Variants in ASIC2 observed in about 807,000 individuals in gnomAD.
The protein encoded by ASIC2 is acid-sensing ion channel 2.
Under a neutral mutation model 57.3 loss-of-function variants are expected in ASIC2, and 25 were observed. The observed-to-expected ratio is 0.44, with a 90% CI of 0.32 to 0.61. The LOEUF (loss-of-function observed/expected upper bound fraction) is 0.61. Among genes scored for constraint, ASIC2 ranks in the 20% least tolerant of loss-of-function variants. The probability of loss-of-function intolerance (pLI) is 0.06; values close to 1 mark genes in which losing one functional copy is unlikely to be tolerated. For missense variants in ASIC2, 641 were observed against 738.1 expected, an observed-to-expected ratio of 0.87 and a Z score of 1.52; for synonymous variants, 319 against 307.5, an observed-to-expected ratio of 1.04 and a Z score of -0.39.
At chr17:33,807,223 C>T (rs1912293185) in intron 1 of ASIC2, among the ~76,000 whole-genome samples, 1 of 152,164 alleles carries the variant, frequency 6.6e-6, no homozygotes, top group Non-Finnish European at 1.5e-5. Context: ...AAGGAGCAAA[C>T]ACTGGTTTGG....
At chr17:33,750,502 C>T (rs1209008814) in intron 1 of ASIC2, among the ~76,000 whole-genome samples, 1 of 152,102 alleles carries the variant, frequency 6.6e-6, no homozygotes, top group Admixed American at 6.6e-5. Flanking sequence ...TAACTTAGTG[C>T]CTAGGGCCCA....
At chr17:33,252,636 C>T (rs992339222) in intron 1 of ASIC2, among the ~76,000 whole-genome samples, 3 of 151,960 alleles carry the variant, frequency 2.0e-5, no homozygotes, top group Non-Finnish European at 4.4e-5. Context: ...CTTGGTGCAG[C>T]CCCCTCATTC....
intron 1 of ASIC2, among the ~76,000 whole-genome samples, chr17:34,074,302 T>C (rs779339984): frequency 1.8e-4 from 28 of 152,178 alleles, no homozygotes; most frequent in Non-Finnish European, 3.7e-4. Flanking sequence ...TAATGAACAT[T>C]GCATGCAATG....
chr17:33,995,656 GTA>G (rs570192460), intron 1 of ASIC2, among the ~76,000 whole-genome samples: 57 of 152,104 alleles, frequency 3.7e-4, no homozygotes, highest in African/African-American at 1.3e-3. Context: ...ATCTGTGCGT[GTA>G]TATATGTGTG....
At chr17:33,459,002 T>C (rs901064766) in intron 1 of ASIC2, among the ~76,000 whole-genome samples, 12 of 152,056 alleles carry the variant, frequency 7.9e-5, no homozygotes, top group Admixed American at 7.2e-4. Flanking sequence ...ACGTTGTCAA[T>C]AGATATAGAC....
At chr17:33,491,708 G>A (rs764732341) in intron 1 of ASIC2, among the ~76,000 whole-genome samples, 14 of 152,156 alleles carry the variant, frequency 9.2e-5, no homozygotes, top group Non-Finnish European at 1.8e-4. Flanking sequence ...CTTAGTGACC[G>A]ATGAACAAGT....
At chr17:33,515,301 G>C (rs1914533178) in intron 1 of ASIC2, among the ~76,000 whole-genome samples, 1 of 152,174 alleles carries the variant, frequency 6.6e-6, no homozygotes, top group Admixed American at 6.5e-5. Flanking sequence ...CTCCCAACCA[G>C]CCTTGGCTGG....
At chr17:33,314,483 A>G (rs1349679004) in intron 1 of ASIC2, among the ~76,000 whole-genome samples, 1 of 152,166 alleles carries the variant, frequency 6.6e-6, no homozygotes, top group African/African-American at 2.4e-5. Flanking sequence ...AGAAAGTGAG[A>G]TGTACATCAC....
intron 1 of ASIC2, among the ~76,000 whole-genome samples, chr17:33,451,418 G>A (rs4510072): frequency 0.72 from 109,026 of 151,792 alleles, 39,933 homozygotes; most frequent in Middle Eastern, 0.79. Context: ...GCCTTAACAC[G>A]CCAAAAGTTT....
At chr17:34,131,575 G>A (rs1053614174) in intron 1 of ASIC2, among the ~76,000 whole-genome samples, 2 of 152,206 alleles carry the variant, frequency 1.3e-5, no homozygotes, top group African/African-American at 4.8e-5. Flanking sequence ...CCCTGCCTGG[G>A]CACGCAACCA....
chr17:33,663,056 C>T (rs557495336), intron 1 of ASIC2, among the ~76,000 whole-genome samples: 6 of 152,284 alleles, frequency 3.9e-5, no homozygotes, highest in African/African-American at 9.6e-5. Context: ...TGCGCCTGCA[C>T]GCACACACAC....
intron 1 of ASIC2, among the ~76,000 whole-genome samples, chr17:33,405,697 T>C (rs545308015): frequency 6.6e-6 from 1 of 152,148 alleles, no homozygotes; most frequent in South Asian, 2.1e-4. Flanking sequence ...TTGGTCAGGC[T>C]GGTCTCGAAC....
intron 3 of ASIC2, among the ~76,000 whole-genome samples, chr17:33,029,109 C>A (rs1190438329): frequency 2.0e-5 from 3 of 152,172 alleles, no homozygotes; most frequent in African/African-American, 7.2e-5. Context: ...GGTGTTGAGT[C>A]CTTTATATCC....
At chr17:33,570,192 C>T (rs547783605) in intron 1 of ASIC2, among the ~76,000 whole-genome samples, 1 of 152,194 alleles carries the variant, frequency 6.6e-6, no homozygotes, top group Non-Finnish European at 1.5e-5. Flanking sequence ...ACTTTTGTGT[C>T]CTTAAATTTA....
chr17:33,022,523 C>G (rs1045349583), intron 6 of ASIC2, among the ~76,000 whole-genome samples: 1 of 152,212 alleles, frequency 6.6e-6, no homozygotes, highest in Non-Finnish European at 1.5e-5. Context: ...ACCCCCTGCA[C>G]CCACTCGGCT....
chr17:33,080,126 C>T (rs1334069745), intron 3 of ASIC2, among the ~76,000 whole-genome samples: 1 of 151,912 alleles, frequency 6.6e-6, no homozygotes, highest in African/African-American at 2.4e-5. Context: ...TGGGAGAGGA[C>T]AATACAGCAA....
At chr17:34,039,888 C>T in intron 1 of ASIC2, 2 of 1,583,900 alleles carry the variant, frequency 1.3e-6, no homozygotes, top group Non-Finnish European at 1.7e-6. Flanking sequence ...CTGCCGCCGC[C>T]GCCGCTGCCG....
chr17:34,143,250 C>A (rs559114895), intron 1 of ASIC2, among the ~76,000 whole-genome samples: 105 of 152,268 alleles, frequency 6.9e-4, no homozygotes, highest in Non-Finnish European at 1.2e-3. Flanking sequence ...GACGTTGTGC[C>A]AGTCACTAAG....
At chr17:33,835,486 C>T (rs977850670) in intron 1 of ASIC2, among the ~76,000 whole-genome samples, 2 of 152,268 alleles carry the variant, frequency 1.3e-5, no homozygotes, top group Non-Finnish European at 2.9e-5. Flanking sequence ...CTCCCTCCTC[C>T]TCTCACCTGC....
Sources: gnomAD v4.1 joint callset for allele counts (sites outside exome capture counted in the v4.1 genomes callset) on GRCh38, gnomAD v4.1.1 for gene constraint, MANE v1.5 for transcripts, NCBI Gene and HGNC (gene_info 2026-07-23, HGNC 2026-07-21) for gene names.